The following AKAP13 variants were observed in gnomAD, a reference collection of about 807,000 sequenced individuals.
AKAP13 encodes A-kinase anchoring protein 13, also known as A-kinase anchor protein 13.
Under a neutral mutation model 264.5 loss-of-function variants are expected in AKAP13, and 80 were observed. That is an observed-to-expected ratio of 0.30 (90% CI 0.25 to 0.36). AKAP13 has a LOEUF of 0.36. AKAP13 is among the 10% of genes least tolerant of loss of function. AKAP13 has a pLI of 1.00. For missense variants in AKAP13, 3,712 were observed against 3,435.2 expected, an observed-to-expected ratio of 1.08 and a Z score of -2.01; for synonymous variants, 1,380 against 1,250.2, an observed-to-expected ratio of 1.10 and a Z score of -2.19.
chr15:85,444,384 G>T (rs1409276760), intron 1 of AKAP13, among the ~76,000 whole-genome samples: 2 of 152,136 alleles, frequency 1.3e-5, no homozygotes, highest in East Asian at 3.8e-4. Context: ...ACTAGGATGA[G>T]CAATAAAAGG....
Position 85,443,602 on chromosome 15 carries a change from A to G in AKAP13, c.-11-42108A>G, listed in dbSNP as rs528333287. ...AGTTGTAACACAATGGTAAGTATCT[A>G]TATCTAAACATAGAAAAGGTACAGT... On this transcript the variant is annotated intron_variant, in intron 1 of 36. Coordinates refer to ENST00000394518, the MANE Select transcript of AKAP13 (RefSeq NM_007200.5). Among the ~76,000 whole-genome samples the G allele has an allele frequency of 2.6e-5, 4 of 152,308 alleles. No homozygotes were observed. The East Asian group carries it at 7.7e-4, about 29-fold the overall frequency.
At chr15:85,542,479 G>A (rs760747009) in intron 4 of AKAP13, among the ~76,000 whole-genome samples, 3 of 152,148 alleles carry the variant, frequency 2.0e-5, no homozygotes, top group Non-Finnish European at 2.9e-5. Flanking sequence ...TGATATTCAC[G>A]TATAGAAGCA....
At chr15:85,639,263 T>A in intron 8 of AKAP13, 111 bp from the exon 9 acceptor site, 1 of 751,602 alleles carries the variant, frequency 1.3e-6, no homozygotes, top group Non-Finnish European at 2.2e-6. Flanking sequence ...TTGCTCACCC[T>A]GTATTAAAGA....
chr15:85,524,666 A>T (rs2076955605), intron 3 of AKAP13, among the ~76,000 whole-genome samples: 1 of 152,156 alleles, frequency 6.6e-6, no homozygotes, highest in South Asian at 2.1e-4. Flanking sequence ...TATCAAATCA[A>T]TATTTCCCTA....
intron 2 of AKAP13, among the ~76,000 whole-genome samples, chr15:85,516,696 G>A (rs527920436): frequency 3.9e-5 from 6 of 152,164 alleles, no homozygotes; most frequent in Admixed American, 1.3e-4. Flanking sequence ...TCAGTGGTGT[G>A]CTGGTTAAAA....
At chr15:85,418,750 A>G (rs562435633) in intron 1 of AKAP13, among the ~76,000 whole-genome samples, 38 of 152,368 alleles carry the variant, frequency 2.5e-4, no homozygotes, top group African/African-American at 8.4e-4. Context: ...TGTAGGTTAA[A>G]ATAAAATATT....
At chr15:85,569,884 TG>T (rs1427790940) in intron 5 of AKAP13, among the ~76,000 whole-genome samples, 3 of 151,480 alleles carry the variant, frequency 2.0e-5, no homozygotes, top group Non-Finnish European at 4.4e-5. Flanking sequence ...AAGACCATCC[TG>T]GCTAACATGG....
In AKAP13 at chr15:85,685,167, C is replaced by T. The variant is rs1011315962; in HGVS notation, c.5289+294C>T. On this transcript the variant is annotated intron_variant, in intron 16 of 36. Coordinates refer to ENST00000394518, the MANE Select transcript of AKAP13 (RefSeq NM_007200.5). ...CTTTTCTAAAAGTGATGTACCTTAC[C>T]GAGGATACTCCTCTAATGTGAAGAA... is the stretch of plus-strand genomic sequence containing the variant. 7.0e-4 allele frequency: 169 copies of T among 241,672 alleles called. 3 individuals carry two copies. Among genetic ancestry groups the T allele is most frequent in the Middle Eastern group, 1.3e-3 (1 of 772 alleles). 15.0% of individuals were successfully genotyped at this position (241,672 alleles called of 1,614,324 possible). A position where few individuals can be genotyped will look rare whatever the true frequency, so the allele number is the denominator to read the frequency against.
intron 2 of AKAP13, among the ~76,000 whole-genome samples, chr15:85,513,605 G>A (rs1254176080): frequency 6.6e-6 from 1 of 152,146 alleles, no homozygotes; most frequent in Non-Finnish European, 1.5e-5. Context: ...TTATCTGTCA[G>A]TAAGTTACAT....
intron 8 of AKAP13, among the ~76,000 whole-genome samples, chr15:85,598,290 C>A (rs187763006): frequency 6.6e-6 from 1 of 152,268 alleles, no homozygotes; most frequent in Admixed American, 6.5e-5. Context: ...GGAGAGGATG[C>A]ATGATGAGAA....
intron 2 of AKAP13, among the ~76,000 whole-genome samples, chr15:85,502,923 C>T (rs952700557): frequency 6.6e-6 from 1 of 152,118 alleles, no homozygotes; most frequent in Non-Finnish European, 1.5e-5. Flanking sequence ...AATTTTATTA[C>T]CATACTTTAT....
chr15:85,434,764 T>C (rs559712995), intron 1 of AKAP13, among the ~76,000 whole-genome samples: 1 of 151,978 alleles, frequency 6.6e-6, no homozygotes, highest in Non-Finnish European at 1.5e-5. Context: ...GAGGGTCCTG[T>C]CTGTTAGAAG....
intron 8 of AKAP13, among the ~76,000 whole-genome samples, chr15:85,592,061 T>C (rs1053127678): frequency 6.6e-6 from 1 of 151,230 alleles, no homozygotes; most frequent in Non-Finnish European, 1.5e-5. Flanking sequence ...TTTTTTTTTT[T>C]TTTTTTGGCA....
chr15:85,641,499 A>C (rs1018246239), intron 9 of AKAP13, among the ~76,000 whole-genome samples: 1 of 108,992 alleles, frequency 9.2e-6, no homozygotes, highest in African/African-American at 3.3e-5. Flanking sequence ...TAAATAAATA[A>C]ATAAATAACG....
intron 8 of AKAP13, among the ~76,000 whole-genome samples, chr15:85,599,213 G>C (rs1218072592): frequency 1.3e-5 from 2 of 152,190 alleles, no homozygotes; most frequent in African/African-American, 4.8e-5. Flanking sequence ...TGGCTTTCCT[G>C]ACATGGAACT....
intron 8 of AKAP13, among the ~76,000 whole-genome samples, chr15:85,612,411 G>A (rs190165799): frequency 4.2e-4 from 64 of 152,074 alleles, no homozygotes; most frequent in African/African-American, 1.5e-3. Flanking sequence ...TTTTACTGGT[G>A]GTTTTGTCTG....
chr15:85,532,644 C>A (rs996410929), intron 3 of AKAP13, among the ~76,000 whole-genome samples: 5 of 152,310 alleles, frequency 3.3e-5, no homozygotes, highest in Admixed American at 6.5e-5. Context: ...AAATAGTGTT[C>A]ATTGTGATGA....
At chr15:85,453,920 G>T (rs1378207111) in intron 1 of AKAP13, among the ~76,000 whole-genome samples, 3 of 151,738 alleles carry the variant, frequency 2.0e-5, no homozygotes, top group Non-Finnish European at 4.4e-5. Flanking sequence ...TAGAGCAGCT[G>T]TGCTGTGCTG....
intron 10 of AKAP13, among the ~76,000 whole-genome samples, chr15:85,649,602 T>C (rs2082713359): frequency 6.6e-6 from 1 of 152,126 alleles, no homozygotes; most frequent in Admixed American, 6.6e-5. Flanking sequence ...CTCACAGAGG[T>C]CTTTAACAGC....
Sources: allele counts gnomAD v4.1 joint callset (sites outside exome capture counted in the v4.1 genomes callset), GRCh38; gene constraint gnomAD v4.1.1; transcripts MANE v1.5; gene names NCBI Gene and HGNC (gene_info 2026-07-23, HGNC 2026-07-21).